Variants in MME observed in about 807,000 individuals in gnomAD.
The protein encoded by MME is membrane metalloendopeptidase, also known as neprilysin.
In MME, 98 loss-of-function variants were observed where a neutral mutation model predicts 113.2. The observed-to-expected ratio is 0.87, with a 90% CI of 0.74 to 1.02. MME has a LOEUF of 1.02. MME is among the 50% of genes least tolerant of loss of function. The probability of loss-of-function intolerance (pLI) is 0.00; values close to 1 mark genes in which losing one functional copy is unlikely to be tolerated. For missense variants in MME, 836 were observed against 896.0 expected, an observed-to-expected ratio of 0.93 and a Z score of 0.86; for synonymous variants, 292 against 300.6, an observed-to-expected ratio of 0.97 and a Z score of 0.30.
chr3:155,118,669 G>A, intron 7 of MME, 77 bp from the exon 8 acceptor site: 1 of 932,120 alleles, frequency 1.1e-6, no homozygotes, highest in Admixed American at 2.0e-5. Context: ...CACATACATA[G>A]ATAGACATGC....
rs138800488 is a variant in MME at position 155,142,065 on chromosome 3, G to T, written c.1032G>T (p.Val344=). ...VNISITNEED[V]VVYAPEYLTK... ...TTAGTATTACAAATGAGGAAGATGT[G>T]GTTGTTTATGCTCCAGAATATTTAA... The change falls in exon 11 of 23, where the codon GTG becomes GTT. Residue 344 remains valine (V), a synonymous_variant. Coordinates refer to ENST00000360490, the MANE Select transcript of MME (RefSeq NM_007289.4). 6.2e-4 allele frequency: 1,006 copies of T among 1,613,686 alleles called. 5 individuals are homozygous for T. In the South Asian group the frequency reaches 6.3e-3, roughly 10 times the overall value.
intron 7 of MME, among the ~76,000 whole-genome samples, chr3:155,118,302 T>G (rs1227123757): frequency 6.6e-6 from 1 of 152,084 alleles, no homozygotes; most frequent in Admixed American, 6.6e-5. Context: ...ATTAACCCAC[T>G]CCCACCAATG....
chr3:155,148,611 G>C lies in MME; in HGVS notation c.1559G>C (p.Ser520Thr), dbSNP rs769287368. 6.8e-6 allele frequency: 11 copies of C among 1,612,926 alleles called. No homozygotes were observed. In the Admixed American group the frequency reaches 1.8e-4, roughly 27 times the overall value. ...ATTCAAAATTTGAAATTCAGCCAAA[G>C]TAAACAACTGAAGAAGCTCCGAGAA... ...NIIQNLKFSQ[S>T]KQLKKLREKV... is the part of the protein sequence containing the mutation. Residue 520 changes from serine to threonine, a missense_variant, in exon 16 of 23, where the codon AGT becomes ACT. Physicochemically the swap from Ser to Thr is moderately conservative, Grantham distance 58. Transcript: ENST00000360490.
chr3:155,114,701 T>G (rs577197035), intron 3 of MME, among the ~76,000 whole-genome samples: 1 of 152,180 alleles, frequency 6.6e-6, no homozygotes, highest in East Asian at 1.9e-4. Flanking sequence ...TTTGTTCTTC[T>G]GAGATAGGAA....
intron 1 of MME, among the ~76,000 whole-genome samples, chr3:155,066,248 GA>G (rs1714376757): frequency 6.6e-6 from 1 of 152,170 alleles, no homozygotes; most frequent in Non-Finnish European, 1.5e-5. Context: ...TATGAGCTTA[GA>G]AAAAGATTGA....
At chr3:155,089,383 A>G (rs1358604363) in intron 3 of MME, among the ~76,000 whole-genome samples, 1 of 152,196 alleles carries the variant, frequency 6.6e-6, no homozygotes, top group East Asian at 1.9e-4. Flanking sequence ...AGGGTTTCTC[A>G]ACTCAATCAC....
chr3:155,161,119 C>T (rs1459544386), intron 17 of MME, among the ~76,000 whole-genome samples: 1 of 152,032 alleles, frequency 6.6e-6, no homozygotes, highest in African/African-American at 2.4e-5. Flanking sequence ...CATAATATGA[C>T]AAAAATATTT....
At position 155,096,308 on chromosome 3, in the gene MME, G is replaced by A. The variant is rs372395940; in HGVS notation, c.196+11214G>A. Among the ~76,000 whole-genome samples, 4 of 152,292 alleles carry A rather than the reference G, an allele frequency of 2.6e-5. No individual in the cohort carries two copies. The South Asian group carries it at 8.3e-4, about 32-fold the overall frequency. On this transcript the variant is annotated intron_variant, in intron 3 of 22. Coordinates refer to ENST00000360490, the MANE Select transcript of MME (RefSeq NM_007289.4). ...TCTAGCTCAAGCCTGGTAAAGTGGAGGCAAAGATTTACCCAAACAAAGGAA... is the reference window on the plus strand; with the variant it reads ...TCTAGCTCAAGCCTGGTAAAGTGGAAGCAAAGATTTACCCAAACAAAGGAA...
At chr3:155,029,331 A>AC (rs1425310602) in intron 1 of MME, among the ~76,000 whole-genome samples, 1 of 151,944 alleles carries the variant, frequency 6.6e-6, no homozygotes, top group East Asian at 1.9e-4. Context: ...TTCTTAAAAA[A>AC]TTTTTTTCTA....
chr3:155,093,474 A>T (rs1157239064), intron 3 of MME, among the ~76,000 whole-genome samples: 4 of 152,302 alleles, frequency 2.6e-5, no homozygotes, highest in South Asian at 2.1e-4. Flanking sequence ...TCTACCACAG[A>T]GCAGTTAGCA....
At chr3:155,158,968 C>G (rs950192033) in intron 16 of MME, 1 of 151,956 alleles carries the variant, frequency 6.6e-6, no homozygotes, top group Non-Finnish European at 1.5e-5. Context: ...TCCCCATCTC[C>G]AAGCTTTTTT....
At chr3:155,166,878 T>C in intron 17 of MME, 24 bp from the exon 18 acceptor site, 1 of 1,613,364 alleles carries the variant, frequency 6.2e-7, no homozygotes, top group Non-Finnish European at 8.5e-7. Context: ...ACAAATAATC[T>C]CTAACTATCT....
intron 3 of MME, among the ~76,000 whole-genome samples, chr3:155,093,584 G>A (rs1355396811): frequency 2.6e-5 from 4 of 152,128 alleles, no homozygotes; most frequent in South Asian, 4.1e-4. Context: ...CAGGACGGGC[G>A]TTTTGGCTCA....
chr3:155,127,012 A>G (rs1475315672), intron 8 of MME, among the ~76,000 whole-genome samples: 1 of 151,540 alleles, frequency 6.6e-6, no homozygotes, highest in African/African-American at 2.4e-5. Context: ...CATCTCAAAA[A>G]AAAAAAAAAA....
At chr3:155,090,721 A>C (rs570178706) in intron 3 of MME, among the ~76,000 whole-genome samples, 2 of 152,194 alleles carry the variant, frequency 1.3e-5, no homozygotes, top group Non-Finnish European at 2.9e-5. Flanking sequence ...ACTGTAGTTG[A>C]CCATGGGTAA....
intron 10 of MME, among the ~76,000 whole-genome samples, chr3:155,141,328 A>T (rs1266971065): frequency 2.6e-5 from 4 of 152,182 alleles, no homozygotes; most frequent in African/African-American, 7.2e-5. Flanking sequence ...TCAGTAAGTG[A>T]TGTGTGCTTG....
In MME at chr3:155,084,213, C is replaced by T. The variant is rs1442729166; in HGVS notation, c.46C>T (p.Pro16Ser). Residue 16 changes from proline (P) to serine (S), a missense_variant, in exon 2 of 23, where the codon CCA (proline) becomes TCA (serine). By Grantham distance (74) the Pro-to-Ser change is moderately conservative. Transcript: ENST00000360490. The part of the protein sequence containing the change: ...SQMDITDINT[P>S]KPKKKQRWTP... ...GATGGATATAACTGATATCAACACT[C>T]CAAAGCCAAAGAAGAAACAGCGATG... 6.2e-7 allele frequency: 1 copy of T among 1,613,954 alleles called. No homozygotes were observed. The highest frequency in any genetic ancestry group is 1.7e-5 in the Admixed American group (1 of 59,978).
At chr3:155,106,993 G>A (rs746072769) in intron 3 of MME, among the ~76,000 whole-genome samples, 1 of 152,194 alleles carries the variant, frequency 6.6e-6, no homozygotes, top group Non-Finnish European at 1.5e-5. Context: ...GCAATTTGAA[G>A]ACAACAAGCT....
chr3:155,095,825 G>A (rs114831385), intron 3 of MME, among the ~76,000 whole-genome samples: 1,590 of 152,264 alleles, frequency 0.01, 32 homozygotes, highest in African/African-American at 0.036. Context: ...TTACCATATG[G>A]TTTGATAAGT....
Sources: gnomAD v4.1 joint callset for allele counts (sites outside exome capture counted in the v4.1 genomes callset) on GRCh38, gnomAD v4.1.1 for gene constraint, MANE v1.5 for transcripts, NCBI Gene and HGNC (gene_info 2026-07-23, HGNC 2026-07-21) for gene names.